CHUK: variants seen among roughly 807,000 people sequenced by gnomAD.
CHUK encodes the protein inhibitor of nuclear factor kappa-B kinase subunit alpha.
In CHUK, 35 loss-of-function variants were observed where a neutral mutation model predicts 104.8. The ratio of observed to expected loss-of-function variants is 0.33; its 90% CI spans 0.26 to 0.44. The LOEUF is 0.44. CHUK is among the 20% of genes least tolerant of loss of function. The pLI is 1.00. For missense variants in CHUK, 663 were observed against 902.7 expected, an observed-to-expected ratio of 0.73 and a Z score of 3.40; for synonymous variants, 276 against 291.9, an observed-to-expected ratio of 0.95 and a Z score of 0.56.
intron 15 of CHUK, among the ~76,000 whole-genome samples, chr10:100,200,324 C>A (rs1393216370): frequency 6.6e-6 from 1 of 152,102 alleles, no homozygotes; most frequent in Non-Finnish European, 1.5e-5. Context: ...TAATCCAGAA[C>A]TTTAATTCAG....
At chr10:100,201,217 G>C (rs746493083) in intron 14 of CHUK, among the ~76,000 whole-genome samples, 2 of 152,026 alleles carry the variant, frequency 1.3e-5, no homozygotes, top group Admixed American at 6.6e-5. Flanking sequence ...GACACCATGG[G>C]TATCCCCACC....
chr10:100,188,688 A>C lies in CHUK; in HGVS notation c.*910T>G, dbSNP rs1413527023. The C allele has an allele frequency of 6.6e-6, 1 of 152,256 alleles. No homozygotes were observed. The highest frequency in any genetic ancestry group is 2.4e-5 in the African/African-American group (1 of 41,452). 9.4% of individuals were successfully genotyped at this position (152,256 alleles called of 1,614,324 possible). On this transcript the variant is annotated 3_prime_UTR_variant, in exon 21 of 21. Coordinates refer to ENST00000370397, the MANE Select transcript of CHUK (RefSeq NM_001278.5). ...AAAAGATTCAAGGTCAGTTCAGATT[A>C]GATTGCAAGCAAATGAATTTTGTCA...
intron 1 of CHUK, among the ~76,000 whole-genome samples, chr10:100,227,347 TTAAAAA>T (rs1846128338): frequency 6.6e-6 from 1 of 152,164 alleles, no homozygotes; most frequent in East Asian, 1.9e-4. Context: ...AACTGTACAC[TTAAAAA>T]TAAAGTGATA....
At chr10:100,222,832 T>G (rs1414453878) in intron 3 of CHUK, 34 bp downstream of exon 3, 4 of 1,010,144 alleles carry the variant, frequency 4.0e-6, no homozygotes, top group Non-Finnish European at 6.4e-6. Flanking sequence ...AAGTTTGTGA[T>G]TTACTCTCTC....
intron 17 of CHUK, 115 bp downstream of exon 17, chr10:100,194,310 A>G (rs1845274778): frequency 9.6e-7 from 1 of 1,043,998 alleles, no homozygotes; most frequent in African/African-American, 1.6e-5. Flanking sequence ...TACCCAAGGT[A>G]CCTTCAGAAT....
chr10:100,214,713 C>A (rs1431859113), intron 9 of CHUK, among the ~76,000 whole-genome samples: 1 of 152,080 alleles, frequency 6.6e-6, no homozygotes, highest in Non-Finnish European at 1.5e-5. Flanking sequence ...TTTTGAGTAC[C>A]AATGAAAGGG....
chr10:100,187,564 T>G (rs1223427570), downstream of CHUK: 2 of 152,210 alleles, frequency 1.3e-5, no homozygotes, highest in East Asian at 3.8e-4. Flanking sequence ...TTCATAATAT[T>G]GCTTAAAGAA....
At position 100,229,585 on chromosome 10, in the gene CHUK, C is replaced by T; in HGVS notation, c.-53G>A. The T allele has an allele frequency of 8.7e-7, 1 of 1,154,810 alleles. No individual in the cohort carries two copies. Among genetic ancestry groups the T allele is most frequent in the South Asian group, 1.4e-5 (1 of 70,988 alleles). The allele number at this position is 1,154,810 out of a possible 1,614,324, so 71.5% of individuals were successfully genotyped here. On this transcript the variant is annotated 5_prime_UTR_variant, in exon 1 of 21. Transcript: ENST00000370397. ...TCCACAGTTGTTCCAAGGCCGGTTCCGGGCCGCCGATGCTCGCGCGTCTTT... is the reference window on the plus strand; with the variant it reads ...TCCACAGTTGTTCCAAGGCCGGTTCTGGGCCGCCGATGCTCGCGCGTCTTT...
intron 16 of CHUK, chr10:100,194,793 C>T (rs1403575958): frequency 7.4e-6 from 2 of 271,362 alleles, no homozygotes; most frequent in Admixed American, 9.8e-5. Context: ...GAACAATAGT[C>T]TTGGCTATCT....
intron 2 of CHUK, among the ~76,000 whole-genome samples, chr10:100,224,852 G>A (rs1302187880): frequency 6.6e-6 from 1 of 151,220 alleles, no homozygotes; most frequent in Admixed American, 6.6e-5. Flanking sequence ...GCATCAAGAT[G>A]CTTTCCTTTT....
At chr10:100,207,771 A>G (rs749383439) in intron 10 of CHUK, among the ~76,000 whole-genome samples, 6 of 152,244 alleles carry the variant, frequency 3.9e-5, no homozygotes, top group Admixed American at 1.3e-4. Context: ...TGGGGTGGAC[A>G]GAATGGAGAT....
rs755734015 is a variant in CHUK, at chr10:100,205,129, C to T, written c.1302G>A (p.Val434=). The change falls in exon 12 of 21, where the codon GTG becomes GTA. Residue 434 remains valine, a synonymous_variant. Coordinates refer to ENST00000370397, the MANE Select transcript of CHUK (RefSeq NM_001278.5). ...TGCTATAGTCTTCTTTTAGTCCAGA[C>T]ACATAGTGCACTGCTTCAGCCCACA... The part of the protein sequence containing the change: ...RKVWAEAVHY[V]SGLKEDYSRL... The T allele has an allele frequency of 9.9e-6, 16 of 1,614,036 alleles. No individual in the cohort carries two copies. Among genetic ancestry groups the T allele is most frequent in the Non-Finnish European group, 1.4e-5 (16 of 1,179,894 alleles).
chr10:100,208,672 C>T (rs1175252308), intron 10 of CHUK, among the ~76,000 whole-genome samples: 1 of 151,654 alleles, frequency 6.6e-6, no homozygotes, highest in Non-Finnish European at 1.5e-5. Context: ...ATAATCCCAG[C>T]TACTTGGGAG....
At chr10:100,197,278 TTTG>T (rs1392810541) in intron 16 of CHUK, among the ~76,000 whole-genome samples, 1 of 152,204 alleles carries the variant, frequency 6.6e-6, no homozygotes, top group Non-Finnish European at 1.5e-5. Context: ...GTATACACAA[TTTG>T]TTGTTAACCA....
intron 11 of CHUK, among the ~76,000 whole-genome samples, chr10:100,206,859 A>T (rs1351247841): frequency 6.6e-6 from 1 of 152,240 alleles, no homozygotes; most frequent in Admixed American, 6.5e-5. Flanking sequence ...TTTTCACAGG[A>T]TAAATTAAAA....
chr10:100,221,272 T>TA (rs1845981113), intron 4 of CHUK, among the ~76,000 whole-genome samples: 1 of 151,996 alleles, frequency 6.6e-6, no homozygotes. Context: ...CCGTCTCTGT[T>TA]AAAAATACAA....
intron 9 of CHUK, among the ~76,000 whole-genome samples, chr10:100,215,542 T>A (rs898894486): frequency 1.3e-5 from 2 of 152,138 alleles, no homozygotes; most frequent in Non-Finnish European, 2.9e-5. Context: ...AAATAATAAT[T>A]AAATGCTACT....
chr10:100,193,516 T>C (rs1377266758), intron 18 of CHUK, 85 bp from the exon 19 acceptor site: 1 of 1,494,554 alleles, frequency 6.7e-7, no homozygotes. Context: ...TCCTAAGACT[T>C]ACATTTCCGT....
At position 100,194,068 on chromosome 10, in the gene CHUK, A is replaced by G; in HGVS notation, c.1890T>C (p.Ser630=). ...CAGTATTGTCAGCTTCTTTGATATTACTGAGGGCCACTTCCACCTTAGGGA... is the reference window on the plus strand; with the variant it reads ...CAGTATTGTCAGCTTCTTTGATATTGCTGAGGGCCACTTCCACCTTAGGGA... ...DLLPKVEVAL[S]NIKEADNTVM... The change falls in exon 18 of 21, where the codon AGT becomes AGC. Residue 630 remains serine, a synonymous_variant. Coordinates refer to ENST00000370397, the MANE Select transcript of CHUK (RefSeq NM_001278.5). The G allele has an allele frequency of 6.2e-7, 1 of 1,613,454 alleles. No homozygotes were observed. Among genetic ancestry groups the G allele is most frequent in the East Asian group, 2.2e-5 (1 of 44,878 alleles).
Sources: allele counts gnomAD v4.1 joint callset (sites outside exome capture counted in the v4.1 genomes callset), GRCh38; gene constraint gnomAD v4.1.1; transcripts MANE v1.5; gene names NCBI Gene and HGNC (gene_info 2026-07-23, HGNC 2026-07-21).